PCDH9: variants seen among roughly 807,000 people sequenced by gnomAD.
The protein encoded by PCDH9 is protocadherin 9.
Under a neutral mutation model 70.6 loss-of-function variants are expected in PCDH9, and 24 were observed. The observed-to-expected ratio is 0.34, with a 90% confidence interval of 0.25 to 0.48. The LOEUF (loss-of-function observed/expected upper bound fraction) is 0.48, where lower values mean the gene tolerates loss of function less well. Ranked by LOEUF, PCDH9 falls within the 20% of genes least tolerant of loss-of-function variation. The pLI, the probability that PCDH9 is intolerant of heterozygous loss-of-function variation, is 0.99. For missense variants in PCDH9, 1,281 were observed against 1,503.6 expected (o/e 0.85, Z 2.45); for synonymous variants, 562 against 558.5 (o/e 1.01, Z -0.09).
intron 2 of PCDH9, among the ~76,000 whole-genome samples, chr13:67,160,138 T>A (rs968803740): frequency 6.6e-5 from 10 of 152,306 alleles, no homozygotes; most frequent in African/African-American, 2.4e-4. Context: ...GATTTCAAAC[T>A]AACAAATCAT....
At chr13:67,168,516 C>T (rs541171249) in intron 2 of PCDH9, among the ~76,000 whole-genome samples, 1 of 152,162 alleles carries the variant, frequency 6.6e-6, no homozygotes, top group Admixed American at 6.5e-5. Flanking sequence ...TGCTTGAGCC[C>T]AGGAGTTCAA....
Position 66,459,468 on chromosome 13 carries a change from T to C in PCDH9, c.3341-154440A>G, listed in dbSNP as rs1015023396. Among the ~76,000 whole-genome samples the C allele has an allele frequency of 5.9e-5, 9 of 151,982 alleles. No homozygotes were observed. In the South Asian group the frequency reaches 1.7e-3, roughly 28 times the overall value. On this transcript the variant is annotated intron_variant, in intron 4 of 4. Coordinates refer to ENST00000377865, the MANE Select transcript of PCDH9 (RefSeq NM_203487.3). ...TTACTTTTGAATTTTTTTAAAAAGT[T>C]GTGTTTTTTTTTTATATTTTAGTTT...
chr13:67,228,199 C>G lies in PCDH9; in HGVS notation c.242G>C (p.Ser81Thr). 1 of 1,612,954 alleles carries G rather than the reference C, an allele frequency of 6.2e-7. No individual in the cohort carries two copies. Among genetic ancestry groups the G allele is most frequent in the Non-Finnish European group, 8.5e-7 (1 of 1,179,550 alleles). ...GDAPLVKVSS[S>T]TGEIFTTSNR... ...GGAGGTTGTGAAAATTTCCCCAGTG[C>G]TGCTGGAAACTTTCACCAAAGGGGC... The change falls in exon 2 of 5, where the codon AGC becomes ACC. Residue 81 changes from serine (S) to threonine (T), a missense_variant. Around this residue, in one of 4 missense-constraint regions of PCDH9, gnomAD observed 798 missense variants for 1,003.1 expected, o/e 0.80. Coordinates refer to ENST00000377865, the MANE Select transcript of PCDH9 (RefSeq NM_203487.3).
In PCDH9 at chr13:66,504,837, G is replaced by T. The variant is rs890345281; in HGVS notation, c.3340+126373C>A. ...ATGCTTATGAGGTGAAACATTCTTT[G>T]AGTGAATATCCACTGCCATGGTTAT... On this transcript the variant is annotated intron_variant, in intron 4 of 4. Coordinates refer to ENST00000377865, the MANE Select transcript of PCDH9 (RefSeq NM_203487.3). Among the ~76,000 whole-genome samples, 9 of 152,238 alleles carry T rather than the reference G, an allele frequency of 5.9e-5. No homozygotes were observed. In the South Asian group the frequency reaches 8.3e-4, roughly 14 times the overall value.
At chr13:67,098,097 A>T (rs1470063575) in intron 2 of PCDH9, among the ~76,000 whole-genome samples, 7 of 152,190 alleles carry the variant, frequency 4.6e-5, no homozygotes, top group Admixed American at 3.9e-4. Context: ...GGGACACTAA[A>T]AATAGTTTCA....
chr13:66,688,008 G>GT (rs1258981897), intron 3 of PCDH9, among the ~76,000 whole-genome samples: 3 of 151,926 alleles, frequency 2.0e-5, no homozygotes, highest in Non-Finnish European at 4.4e-5. Context: ...CTCCTTAATG[G>GT]TTTTTTGTCT....
At chr13:66,737,886 G>A (rs923708753) in intron 3 of PCDH9, among the ~76,000 whole-genome samples, 4 of 150,566 alleles carry the variant, frequency 2.7e-5, no homozygotes, top group African/African-American at 9.7e-5. Flanking sequence ...AGCAGTCTGA[G>A]ATCAAACTGC....
intron 2 of PCDH9, among the ~76,000 whole-genome samples, chr13:66,923,225 C>A (rs1361614904): frequency 6.6e-6 from 1 of 151,380 alleles, no homozygotes; most frequent in Admixed American, 6.6e-5. Flanking sequence ...ACTGCTGCAC[C>A]TGGCTAGTAC....
intron 4 of PCDH9, among the ~76,000 whole-genome samples, chr13:66,435,731 T>C (rs959942515): frequency 1.3e-5 from 2 of 152,232 alleles, no homozygotes; most frequent in Admixed American, 6.5e-5. Context: ...TGGTGAACTA[T>C]GAAATGCTTC....
intron 2 of PCDH9, among the ~76,000 whole-genome samples, chr13:67,003,134 A>G (rs1193558271): frequency 1.3e-5 from 2 of 152,104 alleles, no homozygotes; most frequent in Non-Finnish European, 2.9e-5. Flanking sequence ...TTATTTAAGG[A>G]GCTTTCTCAC....
At chr13:66,603,914 T>C (rs922384760) in intron 4 of PCDH9, among the ~76,000 whole-genome samples, 1 of 151,988 alleles carries the variant, frequency 6.6e-6, no homozygotes, top group Non-Finnish European at 1.5e-5. Context: ...AAACTTTAGG[T>C]GTGATCTTTT....
chr13:67,029,278 A>G (rs2084856520), intron 2 of PCDH9, among the ~76,000 whole-genome samples: 1 of 152,176 alleles, frequency 6.6e-6, no homozygotes, highest in African/African-American at 2.4e-5. Context: ...AGTATGAGAA[A>G]AATATAATGT....
intron 3 of PCDH9, among the ~76,000 whole-genome samples, chr13:66,657,445 CAA>C (rs1272175659): frequency 2.0e-5 from 3 of 152,292 alleles, no homozygotes; most frequent in Non-Finnish European, 4.4e-5. Context: ...AAATGGAGAA[CAA>C]AGAGACTGGC....
At chr13:67,099,447 G>A (rs922470194) in intron 2 of PCDH9, among the ~76,000 whole-genome samples, 4 of 151,794 alleles carry the variant, frequency 2.6e-5, no homozygotes, top group Middle Eastern at 3.4e-3. Flanking sequence ...TTTTATTATC[G>A]GGCCCTATAT....
intron 2 of PCDH9, 30 bp downstream of exon 2, chr13:67,225,375 A>G: frequency 1.2e-6 from 2 of 1,600,094 alleles, no homozygotes; most frequent in Non-Finnish European, 1.7e-6. Context: ...TGTATGCAGT[A>G]CTTATAGACC....
At chr13:66,803,151 G>C (rs1399356034) in intron 3 of PCDH9, among the ~76,000 whole-genome samples, 1 of 152,102 alleles carries the variant, frequency 6.6e-6, no homozygotes, top group Non-Finnish European at 1.5e-5. Flanking sequence ...TCTCTAGAGG[G>C]GGCATCCTGT....
At chr13:66,377,894 A>AT (rs1022547257) in intron 4 of PCDH9, among the ~76,000 whole-genome samples, 3 of 151,924 alleles carry the variant, frequency 2.0e-5, no homozygotes, top group Non-Finnish European at 4.4e-5. Context: ...TCTTTTCCTA[A>AT]TGTTTCTTTC....
chr13:66,676,142 A>G (rs1257997557), intron 3 of PCDH9, among the ~76,000 whole-genome samples: 3 of 152,070 alleles, frequency 2.0e-5, no homozygotes, highest in Admixed American at 6.6e-5. Context: ...TTTTATCTCA[A>G]TCTTCACAGC....
intron 2 of PCDH9, among the ~76,000 whole-genome samples, chr13:66,993,912 T>C (rs2084053944): frequency 6.6e-6 from 1 of 152,096 alleles, no homozygotes; most frequent in African/African-American, 2.4e-5. Flanking sequence ...CGAGATCTAG[T>C]TGGAATACAG....
Sources: allele counts gnomAD v4.1 joint callset (sites outside exome capture counted in the v4.1 genomes callset), GRCh38; gene constraint gnomAD v4.1.1; regional missense constraint gnomAD v4.1.1; transcripts MANE v1.5; gene names NCBI Gene and HGNC (gene_info 2026-07-23, HGNC 2026-07-21).